The following SLC18A2 variants were observed in gnomAD, a reference collection of about 807,000 sequenced individuals.
The protein encoded by SLC18A2 is solute carrier family 18 member A2, also known as synaptic vesicular amine transporter.
A neutral mutation model predicts 59.2 loss-of-function variants in SLC18A2; 33 were observed. That is an observed-to-expected ratio of 0.56 (90% CI 0.42 to 0.75). The LOEUF (loss-of-function observed/expected upper bound fraction) is 0.75. SLC18A2 is among the 30% of genes least tolerant of loss of function. SLC18A2 has a pLI of 0.00. For synonymous variants in SLC18A2, 228 were observed against 253.5 expected (o/e 0.90, Z 0.95); for missense variants, 569 against 668.6 (o/e 0.85, Z 1.64).
intron 15 of SLC18A2, among the ~76,000 whole-genome samples, chr10:117,274,567 T>C (rs1007748025): frequency 6.6e-6 from 1 of 152,192 alleles, no homozygotes; most frequent in Non-Finnish European, 1.5e-5. Flanking sequence ...CCCCATGCCC[T>C]GCATTCCAGT....
Position 117,269,931 on chromosome 10 carries a change from A to T in SLC18A2, c.1187-140A>T, listed in dbSNP as rs1844404753. ...TCATTCTTTCTACTCAAAGATTAGT[A>T]TCACCCCAAGACTTGCAGGTGGTGA... On this transcript the variant is annotated intron_variant, in intron 13 of 15. Coordinates refer to ENST00000644641, the MANE Select transcript of SLC18A2 (RefSeq NM_003054.6). The surrounding 1 kb of genome is among the most constrained non-coding windows in gnomAD (Gnocchi z 5.1). 1 of 986,226 alleles carries T rather than the reference A, an allele frequency of 1.0e-6. No individual in the cohort carries two copies. Among genetic ancestry groups the T allele is most frequent in the South Asian group, 1.6e-5 (1 of 61,078 alleles). The allele number at this position is 986,226 out of a possible 1,614,324, so 61.1% of individuals were successfully genotyped here.
chr10:117,246,326 GA>G (rs1844110395), intron 3 of SLC18A2, among the ~76,000 whole-genome samples: 1 of 152,184 alleles, frequency 6.6e-6, no homozygotes. Context: ...AATGGCAAAT[GA>G]AAAGCTTTTT....
chr10:117,244,970 G>A (rs1025890049), intron 3 of SLC18A2, among the ~76,000 whole-genome samples: 1 of 152,244 alleles, frequency 6.6e-6, no homozygotes, highest in African/African-American at 2.4e-5. Flanking sequence ...AGATGAATCA[G>A]GCTGTTCTAG....
At chr10:117,270,292 T>TTTGG in intron 14 of SLC18A2, 38 bp from the exon 15 acceptor site, 10 of 1,613,886 alleles carry the variant, frequency 6.2e-6, no homozygotes, top group Non-Finnish European at 8.5e-6. Flanking sequence ...CTACAAGACA[T>TTTGG]TTGGAAGAGC....
chr10:117,273,933 T>C (rs1844454824), intron 15 of SLC18A2, among the ~76,000 whole-genome samples: 1 of 152,180 alleles, frequency 6.6e-6, no homozygotes, highest in Non-Finnish European at 1.5e-5. Flanking sequence ...AGGGCTTTGC[T>C]CTGAATTCAA....
In SLC18A2 at chr10:117,277,405, A is replaced by G. The variant is rs1844514265; in HGVS notation, c.*139A>G. 2.0e-6 allele frequency: 1 copy of G among 510,906 alleles called. No homozygotes were observed. The highest frequency in any genetic ancestry group is 3.4e-6 in the Non-Finnish European group (1 of 294,716). 31.6% of individuals were successfully genotyped at this position (510,906 alleles called of 1,614,324 possible). On this transcript the variant is annotated 3_prime_UTR_variant, in exon 16 of 16. Coordinates refer to ENST00000644641, the MANE Select transcript of SLC18A2 (RefSeq NM_003054.6). ...AACCAAAGGTTATTATTTCCTTTCC[A>G]TGGTTATGGTCGATTGCCAACAGCC... is the stretch of plus-strand genomic sequence containing the variant.
At chr10:117,245,107 G>A (rs949204993) in intron 3 of SLC18A2, among the ~76,000 whole-genome samples, 1 of 152,160 alleles carries the variant, frequency 6.6e-6, no homozygotes, top group Non-Finnish European at 1.5e-5. Flanking sequence ...TCAGGACAAG[G>A]GCCTTGCAGC....
chr10:117,274,263 C>T (rs970019422), intron 15 of SLC18A2, among the ~76,000 whole-genome samples: 3 of 152,188 alleles, frequency 2.0e-5, no homozygotes, highest in African/African-American at 4.8e-5. Flanking sequence ...AGGAGGAAAA[C>T]TTCACCTGAA....
intron 13 of SLC18A2, chr10:117,268,533 C>G (rs1440689745): frequency 6.6e-6 from 1 of 152,232 alleles, no homozygotes; most frequent in Non-Finnish European, 1.5e-5. Context: ...TCTGGCGGCT[C>G]CCCTTGCCAT....
rs761512002 is a variant in SLC18A2, at chr10:117,277,154, T to A, written c.1441-8T>A. The A allele has an allele frequency of 6.7e-7, 1 of 1,499,552 alleles. No homozygotes were observed. The highest frequency in any genetic ancestry group is 1.8e-5 in the Admixed American group (1 of 55,240). The allele number at this position is 1,499,552 out of a possible 1,614,324, so 92.9% of individuals were successfully genotyped here. A position where few individuals can be genotyped will look rare whatever the true frequency, so the allele number is the denominator to read the frequency against. ...AAGTTAATATACTTGCACTTTGCTC[T>A]CTTTTAGGCTATTCTCATGGATCAC... On this transcript the variant is annotated splice_polypyrimidine_tract_variant and splice_region_variant and intron_variant, in intron 15 of 15. Coordinates refer to ENST00000644641, the MANE Select transcript of SLC18A2 (RefSeq NM_003054.6).
intron 10 of SLC18A2, among the ~76,000 whole-genome samples, chr10:117,262,980 G>A (rs1328586035): frequency 6.6e-6 from 1 of 152,230 alleles, no homozygotes; most frequent in Non-Finnish European, 1.5e-5. Flanking sequence ...GCCATCAGGG[G>A]CAGATAGCAG....
intron 10 of SLC18A2, among the ~76,000 whole-genome samples, chr10:117,263,791 C>A (rs1171189478): frequency 6.6e-6 from 1 of 152,204 alleles, no homozygotes; most frequent in Non-Finnish European, 1.5e-5. Flanking sequence ...ACACTCTTGT[C>A]TTCTGGTTCT....
At chr10:117,241,278 G>GGGGAGGCA (rs1003167680) in intron 1 of SLC18A2, 58 bp downstream of exon 1, 1 of 160,184 alleles carries the variant, frequency 6.2e-6, no homozygotes, top group African/African-American at 2.4e-5. Flanking sequence ...AGCGGGCCCG[G>GGGGAGGCA]GGGAGGCAGG....
intron 11 of SLC18A2, 38 bp downstream of exon 11, chr10:117,266,849 T>G (rs750467424): frequency 5.1e-6 from 8 of 1,579,834 alleles, no homozygotes; most frequent in Non-Finnish European, 6.9e-6. Context: ...TCTGTTACAA[T>G]AATGTAGTTC....
chr10:117,243,100 T>A (rs2133725021), intron 2 of SLC18A2, among the ~76,000 whole-genome samples: 1 of 151,234 alleles, frequency 6.6e-6, no homozygotes, highest in African/African-American at 2.4e-5. Flanking sequence ...GTAGGAAAAA[T>A]TACAGATTCC....
intron 1 of SLC18A2, 47 bp from the exon 2 acceptor site, chr10:117,241,632 G>C: frequency 1.3e-6 from 2 of 1,495,326 alleles, no homozygotes; most frequent in Non-Finnish European, 1.8e-6. Flanking sequence ...CGGGAGAATG[G>C]GGGGTCCACG....
At chr10:117,253,506 C>A in intron 4 of SLC18A2, 49 bp downstream of exon 4, 3 of 1,219,666 alleles carry the variant, frequency 2.5e-6, no homozygotes, top group African/African-American at 1.6e-5. Context: ...TCAGGGTGGG[C>A]ATTGATGCCC....
intron 3 of SLC18A2, among the ~76,000 whole-genome samples, chr10:117,248,212 G>A (rs1204633670): frequency 6.6e-6 from 1 of 152,084 alleles, no homozygotes; most frequent in Non-Finnish European, 1.5e-5. Flanking sequence ...TGATCCTCCT[G>A]CCTCAGCCTC....
At chr10:117,246,276 T>C (rs1444972748) in intron 3 of SLC18A2, among the ~76,000 whole-genome samples, 1 of 152,198 alleles carries the variant, frequency 6.6e-6, no homozygotes, top group African/African-American at 2.4e-5. Context: ...ACTTAGAAAT[T>C]CGGCTGAAAT....
Sources: allele counts gnomAD v4.1 joint callset (sites outside exome capture counted in the v4.1 genomes callset), GRCh38; gene constraint gnomAD v4.1.1; non-coding constraint Gnocchi (gnomAD v3.1); transcripts MANE v1.5; gene names NCBI Gene and HGNC (gene_info 2026-07-23, HGNC 2026-07-21).